Variants in PACSIN2 observed in about 807,000 individuals in gnomAD.
The protein encoded by PACSIN2 is protein kinase C and casein kinase substrate in neurons 2.
Under a neutral mutation model 63.8 loss-of-function variants are expected in PACSIN2, and 25 were observed. That is an observed-to-expected ratio of 0.39 (90% CI 0.29 to 0.55). The LOEUF is 0.55. Among genes scored for constraint, PACSIN2 ranks in the 20% least tolerant of loss-of-function variants. PACSIN2 has a pLI of 0.62. For missense variants in PACSIN2, 518 were observed against 646.9 expected (o/e 0.80, Z 2.16); for synonymous variants, 255 against 256.2 (o/e 1.00, Z 0.05).
chr22:42,888,519 G>C (rs1157405857), intron 5 of PACSIN2, 124 bp downstream of exon 5: 2 of 944,966 alleles, frequency 2.1e-6, no homozygotes, highest in African/African-American at 3.3e-5. Flanking sequence ...ACAGGGGTGT[G>C]TTTTATTGGT....
At chr22:42,974,671 C>T (rs1373842930) in intron 1 of PACSIN2, among the ~76,000 whole-genome samples, 1 of 151,006 alleles carries the variant, frequency 6.6e-6, no homozygotes, top group Non-Finnish European at 1.5e-5. Context: ...ACTGCTTAAA[C>T]CTGGGAGGTG....
chr22:42,959,226 G>A (rs1352314850), intron 1 of PACSIN2, among the ~76,000 whole-genome samples: 1 of 152,178 alleles, frequency 6.6e-6, no homozygotes, highest in Non-Finnish European at 1.5e-5. Flanking sequence ...TCCTGGAAAA[G>A]ATAATTTGCT....
Position 42,870,029 on chromosome 22 carries a change from C to G in PACSIN2, c.*1328G>C, listed in dbSNP as rs540798921. ...GTCACGTGAAACACAGGTTCCCCCA[C>G]GTTCCCCCCACCCCCGCCGGCCCGC... On this transcript the variant is annotated 3_prime_UTR_variant, in exon 11 of 11. Coordinates refer to ENST00000263246, the MANE Select transcript of PACSIN2 (RefSeq NM_001184970.3). The G allele has an allele frequency of 1.3e-5, 2 of 152,012 alleles. No homozygotes were observed. The highest frequency in any genetic ancestry group is 2.9e-5 in the Non-Finnish European group (2 of 68,014). 9.4% of individuals were successfully genotyped at this position (152,012 alleles called of 1,614,324 possible). A position where few individuals can be genotyped will look rare whatever the true frequency, so the allele number is the denominator to read the frequency against.
chr22:42,917,959 G>A (rs948613769), intron 1 of PACSIN2, among the ~76,000 whole-genome samples: 1 of 152,124 alleles, frequency 6.6e-6, no homozygotes, highest in African/African-American at 2.4e-5. Context: ...GGTGCCATTT[G>A]TTGCACGGGA....
At position 42,876,973 on chromosome 22, in the gene PACSIN2, G is replaced by A; in HGVS notation, c.1066C>T (p.Gln356Ter). 6.2e-7 allele frequency: 1 copy of A among 1,614,162 alleles called. No individual in the cohort carries two copies. Among genetic ancestry groups the A allele is most frequent in the Middle Eastern group, 1.7e-4 (1 of 6,060 alleles). The change falls in exon 9 of 11, where the codon CAG becomes TAG. Residue 356 changes from glutamine (Q) to a stop codon, truncating the protein, a stop_gained. Coordinates refer to ENST00000263246, the MANE Select transcript of PACSIN2 (RefSeq NM_001184970.3). LOFTEE classifies it high-confidence loss of function. ...NVPSNPAQSA[Q>*]SQSSYNPFED... Reference sequence around the variant, plus strand: ...AAGGGGTTGTAGCTGGACTGTGACTGCGCAGACTGGGCGGGGTTGCTCGGG... The same window carrying A: ...AAGGGGTTGTAGCTGGACTGTGACTACGCAGACTGGGCGGGGTTGCTCGGG...
chr22:42,889,732 C>G (rs532157365), intron 4 of PACSIN2, among the ~76,000 whole-genome samples: 1 of 151,858 alleles, frequency 6.6e-6, no homozygotes, highest in East Asian at 1.9e-4. Context: ...CAGGCAGGGG[C>G]GGGGCACACA....
At chr22:42,877,419 G>A (rs1239302010) in intron 8 of PACSIN2, among the ~76,000 whole-genome samples, 2 of 152,094 alleles carry the variant, frequency 1.3e-5, no homozygotes, top group Non-Finnish European at 1.5e-5. Flanking sequence ...GACAGTGTGG[G>A]AGGGGCCGGC....
chr22:42,890,860 AG>A (rs1929852489), intron 4 of PACSIN2, 86 bp downstream of exon 4: 2 of 1,027,712 alleles, frequency 1.9e-6, no homozygotes, highest in Non-Finnish European at 2.9e-6. Flanking sequence ...AGCCAGTGGC[AG>A]GAAGTCCTAG....
chr22:42,956,506 T>C (rs1933923150), intron 1 of PACSIN2, among the ~76,000 whole-genome samples: 1 of 152,188 alleles, frequency 6.6e-6, no homozygotes, highest in African/African-American at 2.4e-5. Context: ...ATTCATTCAT[T>C]CATTCATTCA....
intron 2 of PACSIN2, among the ~76,000 whole-genome samples, chr22:42,897,167 G>A (rs1425784317): frequency 6.6e-6 from 1 of 152,080 alleles, no homozygotes; most frequent in Non-Finnish European, 1.5e-5. Context: ...GAATTCCTGG[G>A]CTCAAGCGAT....
chr22:42,948,238 G>A (rs1255681069), intron 1 of PACSIN2, among the ~76,000 whole-genome samples: 1 of 152,242 alleles, frequency 6.6e-6, no homozygotes, highest in Middle Eastern at 3.4e-3. Context: ...ACTGACAAAT[G>A]GCAGGGCGCT....
At chr22:43,004,442 T>C (rs1442372738) in intron 1 of PACSIN2, among the ~76,000 whole-genome samples, 1 of 152,178 alleles carries the variant, frequency 6.6e-6, no homozygotes, top group Non-Finnish European at 1.5e-5. Flanking sequence ...AAGGTCGCAA[T>C]TGCTTAATTA....
At chr22:42,966,588 G>A (rs1920959730) in intron 1 of PACSIN2, among the ~76,000 whole-genome samples, 2 of 152,180 alleles carry the variant, frequency 1.3e-5, no homozygotes, top group Non-Finnish European at 1.5e-5. Flanking sequence ...AGTGAAGTGA[G>A]ACTAATTAAT....
At chr22:42,915,908 C>T (rs762795587) in intron 1 of PACSIN2, among the ~76,000 whole-genome samples, 7 of 152,172 alleles carry the variant, frequency 4.6e-5, no homozygotes, top group Non-Finnish European at 1.0e-4. Flanking sequence ...TAAGGCGACA[C>T]TGAGGCAAGA....
chr22:42,913,519 GA>G lies in PACSIN2; in HGVS notation c.-77-1363del. ...AAAAAAAAAAAGAGAGACACTAATG[GA>G]ACCTACAACACAGAATTGCTGCAAG... On this transcript the variant is annotated intron_variant, in intron 1 of 10. Transcript: ENST00000263246. Among the ~76,000 whole-genome samples, 3 of 149,432 alleles carry G rather than the reference GA, an allele frequency of 2.0e-5. No homozygotes were observed. In the South Asian group the frequency reaches 6.4e-4, roughly 32 times the overall value.
intron 1 of PACSIN2, among the ~76,000 whole-genome samples, chr22:42,917,538 C>T (rs950021102): frequency 7.9e-5 from 12 of 152,192 alleles, no homozygotes; most frequent in Middle Eastern, 3.4e-3. Context: ...TTGCTTGAGC[C>T]CAGTAGGTCA....
intron 2 of PACSIN2, among the ~76,000 whole-genome samples, chr22:42,895,925 A>C (rs573039203): frequency 1.3e-5 from 2 of 152,290 alleles, no homozygotes; most frequent in South Asian, 4.1e-4. Flanking sequence ...TATCGCCATA[A>C]ACCACCAGGG....
At chr22:42,873,486 G>A (rs893489235) in intron 10 of PACSIN2, among the ~76,000 whole-genome samples, 1 of 152,172 alleles carries the variant, frequency 6.6e-6, no homozygotes, top group African/African-American at 2.4e-5. Flanking sequence ...GGGTGCTGAG[G>A]GGAGGAGGCT....
At chr22:42,883,491 C>T (rs943787701) in intron 6 of PACSIN2, among the ~76,000 whole-genome samples, 1 of 152,238 alleles carries the variant, frequency 6.6e-6, no homozygotes, top group Non-Finnish European at 1.5e-5. Context: ...TAGCTGGGAC[C>T]TCTGCCCTGG....
Sources: gnomAD v4.1 joint callset for allele counts (sites outside exome capture counted in the v4.1 genomes callset) on GRCh38, gnomAD v4.1.1 for gene constraint, MANE v1.5 for transcripts, NCBI Gene and HGNC (gene_info 2026-07-23, HGNC 2026-07-21) for gene names.